Variants in PXDNL observed in about 807,000 individuals in gnomAD.
The protein encoded by PXDNL is peroxidasin like.
PXDNL carries 145 observed loss-of-function variants against 150.8 expected under a neutral mutation model. The ratio of observed to expected loss-of-function variants is 0.96; its 90% CI spans 0.84 to 1.10. The LOEUF (loss-of-function observed/expected upper bound fraction) is 1.10, where lower values mean the gene tolerates loss of function less well. PXDNL is among the 50% of genes least tolerant of loss of function. PXDNL has a pLI of 0.00. For synonymous variants in PXDNL, 757 were observed against 725.7 expected (o/e 1.04, Z -0.69); for missense variants, 2,087 against 1,873.9 (o/e 1.11, Z -2.10).
At chr8:51,761,196 A>G (rs2037163279) in intron 1 of PXDNL, among the ~76,000 whole-genome samples, 1 of 151,866 alleles carries the variant, frequency 6.6e-6, no homozygotes, top group African/African-American at 2.4e-5. Flanking sequence ...ACTGTTTAGT[A>G]TCTCCTTGAA....
chr8:51,456,486 G>A (rs1346630815), intron 9 of PXDNL, among the ~76,000 whole-genome samples: 2 of 152,168 alleles, frequency 1.3e-5, no homozygotes, highest in Non-Finnish European at 2.9e-5. Context: ...GGCTGGAGCC[G>A]GCTCTGGAGA....
intron 17 of PXDNL, among the ~76,000 whole-genome samples, chr8:51,392,379 T>A (rs1317238307): frequency 6.6e-6 from 1 of 152,182 alleles, no homozygotes; most frequent in Non-Finnish European, 1.5e-5. Context: ...GAGCATGGAA[T>A]GTTCTTCCAT....
intron 1 of PXDNL, among the ~76,000 whole-genome samples, chr8:51,658,483 A>T (rs1467387514): frequency 6.6e-6 from 1 of 152,116 alleles, no homozygotes; most frequent in East Asian, 1.9e-4. Flanking sequence ...TTAGCACTCG[A>T]TCCTCTTTGG....
In PXDNL at chr8:51,610,031, C is replaced by G. The variant is rs533274253; in HGVS notation, c.237-17333G>C. ...ACTGGCCTTCTATTAATACAATAAT[C>G]TTTCCATTTTTTTTCAACACGCAGC... On this transcript the variant is annotated intron_variant, in intron 2 of 22. Transcript: ENST00000356297. 2.8e-3 allele frequency among the ~76,000 whole-genome samples: 431 copies of G among 152,260 alleles called. 12 individuals carry two copies. The East Asian group carries it at 0.061, about 22-fold the overall frequency.
intron 1 of PXDNL, among the ~76,000 whole-genome samples, chr8:51,799,761 G>T (rs983409078): frequency 3.9e-5 from 6 of 152,188 alleles, no homozygotes; most frequent in Non-Finnish European, 7.3e-5. Flanking sequence ...ATCTAGGTAT[G>T]AAGAACAAAC....
chr8:51,626,841 G>T (rs1011899826), intron 2 of PXDNL, among the ~76,000 whole-genome samples: 2 of 152,114 alleles, frequency 1.3e-5, no homozygotes, highest in Non-Finnish European at 2.9e-5. Context: ...CAATTTTTGT[G>T]ATAAAAATGT....
At chr8:51,362,605 T>C (rs1806791919) in intron 19 of PXDNL, among the ~76,000 whole-genome samples, 1 of 152,198 alleles carries the variant, frequency 6.6e-6, no homozygotes. Flanking sequence ...GAGCTGATGA[T>C]ACAATATTTA....
In PXDNL at chr8:51,598,111, T is replaced by C. The variant is rs192793188; in HGVS notation, c.237-5413A>G. 5.9e-5 allele frequency among the ~76,000 whole-genome samples: 9 copies of C among 152,342 alleles called. No individual in the cohort carries two copies. In the East Asian group the frequency reaches 1.5e-3, roughly 26 times the overall value. On this transcript the variant is annotated intron_variant, in intron 2 of 22. Coordinates refer to ENST00000356297, the MANE Select transcript of PXDNL (RefSeq NM_144651.5). ...TATGTTTATTTTGTATCCTGAACTTTGTTATCAGTTCCAGAAGGTTTATGG... is the reference window on the plus strand; with the variant it reads ...TATGTTTATTTTGTATCCTGAACTTCGTTATCAGTTCCAGAAGGTTTATGG...
intron 19 of PXDNL, among the ~76,000 whole-genome samples, chr8:51,367,625 C>T (rs1012891446): frequency 6.6e-6 from 1 of 152,046 alleles, no homozygotes; most frequent in East Asian, 1.9e-4. Context: ...AGTATGGCTG[C>T]ATGAATTTTG....
intron 2 of PXDNL, among the ~76,000 whole-genome samples, chr8:51,645,045 CA>C (rs1814888027): frequency 6.6e-6 from 1 of 151,976 alleles, no homozygotes; most frequent in South Asian, 2.1e-4. Flanking sequence ...CTGCCCTCTG[CA>C]AGCTGAAGAC....
At chr8:51,706,441 G>A (rs774853105) in intron 1 of PXDNL, among the ~76,000 whole-genome samples, 17 of 152,286 alleles carry the variant, frequency 1.1e-4, no homozygotes, top group Non-Finnish European at 1.8e-4. Context: ...ATTCACACAG[G>A]AGGAACACCC....
intron 1 of PXDNL, among the ~76,000 whole-genome samples, chr8:51,674,752 C>A (rs929328624): frequency 3.3e-5 from 5 of 152,224 alleles, no homozygotes; most frequent in Admixed American, 1.3e-4. Flanking sequence ...CGCTGTGCAG[C>A]CTTCTTACAC....
chr8:51,374,538 C>T, intron 18 of PXDNL, 59 bp downstream of exon 18: 3 of 1,539,896 alleles, frequency 1.9e-6, no homozygotes, highest in Non-Finnish European at 2.7e-6. Flanking sequence ...TAAACATATA[C>T]ATTTTGGGTC....
intron 4 of PXDNL, 40 bp from the exon 5 acceptor site, chr8:51,499,810 G>A: frequency 7.6e-7 from 1 of 1,307,336 alleles, no homozygotes; most frequent in Non-Finnish European, 1.1e-6. Context: ...CCTTGTGCTG[G>A]TGAGTAAAAT....
At chr8:51,713,859 T>A (rs1432521589) in intron 1 of PXDNL, among the ~76,000 whole-genome samples, 2 of 152,228 alleles carry the variant, frequency 1.3e-5, no homozygotes, top group Non-Finnish European at 2.9e-5. Context: ...AATAGTCACT[T>A]GTTTTATTGT....
chr8:51,692,722 T>G (rs1192726371), intron 1 of PXDNL, among the ~76,000 whole-genome samples: 1 of 152,218 alleles, frequency 6.6e-6, no homozygotes, highest in Non-Finnish European at 1.5e-5. Flanking sequence ...ACTAATTTCT[T>G]AACTATGATT....
chr8:51,411,256 C>T lies in PXDNL; in HGVS notation c.2056G>A (p.Gly686Ser). The T allele has an allele frequency of 6.8e-7, 1 of 1,469,292 alleles. No homozygotes were observed. The highest frequency in any genetic ancestry group is 1.4e-5 in the African/African-American group (1 of 69,280). 91.0% of individuals were successfully genotyped at this position (1,469,292 alleles called of 1,614,324 possible). Residue 686 changes from glycine to serine, a missense_variant, in exon 16 of 23, where the codon GGC (glycine) becomes AGC (serine). By Grantham distance (56) the Gly-to-Ser change is moderately conservative. Transcript: ENST00000356297. The part of the protein sequence containing the change: ...VKQGLTVDLE[G>S]KEFRYNDLVS... ...AAATGGCTTTGTGGCTGACCTTTGC[C>T]TTCCAAGTCCACAGTGAGCCCCTGC... is the stretch of plus-strand genomic sequence containing the variant.
At chr8:51,390,704 G>A (rs1033250489) in intron 17 of PXDNL, among the ~76,000 whole-genome samples, 14 of 151,582 alleles carry the variant, frequency 9.2e-5, no homozygotes, top group Non-Finnish European at 1.9e-4. Flanking sequence ...GTGACAAGCC[G>A]ACCTCACTAA....
chr8:51,802,622 T>C (rs547937000), intron 1 of PXDNL, among the ~76,000 whole-genome samples: 71 of 152,338 alleles, frequency 4.7e-4, no homozygotes, highest in African/African-American at 1.6e-3. Context: ...GCTGTGTCAT[T>C]TGTTGTGGCT....
Sources: allele counts gnomAD v4.1 joint callset (sites outside exome capture counted in the v4.1 genomes callset), GRCh38; gene constraint gnomAD v4.1.1; transcripts MANE v1.5; gene names NCBI Gene and HGNC (gene_info 2026-07-23, HGNC 2026-07-21).